Variants in GNG2 observed in about 807,000 individuals in gnomAD.
The protein encoded by GNG2 is G protein subunit gamma 2.
A neutral mutation model predicts 5.5 loss-of-function variants in GNG2; 5 were observed. That is an observed-to-expected ratio of 0.91 (90% CI 0.48 to 1.92). The LOEUF is 1.92. Ranked by LOEUF, GNG2 falls within the 30% of genes most tolerant of loss-of-function variation. GNG2 has a pLI of 0.01. For synonymous variants in GNG2, 28 were observed against 32.0 expected (o/e 0.88, Z 0.42); for missense variants, 55 against 88.4 (o/e 0.62, Z 1.52).
intron 2 of GNG2, among the ~76,000 whole-genome samples, chr14:51,887,755 T>A (rs911213399): frequency 2.6e-5 from 4 of 152,126 alleles, no homozygotes; most frequent in Non-Finnish European, 5.9e-5. Flanking sequence ...CAACCTTAAG[T>A]CTCCTAGTAT....
At chr14:51,877,572 T>C in intron 1 of GNG2, 45 bp from the exon 2 acceptor site, 2 of 454,800 alleles carry the variant, frequency 4.4e-6, no homozygotes, top group South Asian at 3.1e-5. Context: ...TATCATGTTA[T>C]TTTTCCTTTT....
intron 2 of GNG2, among the ~76,000 whole-genome samples, chr14:51,893,571 CT>C (rs1368226501): frequency 1.3e-5 from 2 of 151,962 alleles, no homozygotes; most frequent in African/African-American, 4.8e-5. Flanking sequence ...CTTTGTCATA[CT>C]TTTTCTTTTT....
At chr14:51,826,965 C>A (rs1881045431) in intron 1 of GNG2, among the ~76,000 whole-genome samples, 1 of 152,194 alleles carries the variant, frequency 6.6e-6, no homozygotes, top group African/African-American at 2.4e-5. Context: ...TAAGTTGACA[C>A]AGATCCGAGG....
At chr14:51,929,652 C>T (rs1338120768) in intron 2 of GNG2, among the ~76,000 whole-genome samples, 2 of 152,188 alleles carry the variant, frequency 1.3e-5, no homozygotes, top group Non-Finnish European at 2.9e-5. Flanking sequence ...ATCTCTCCTT[C>T]CTCCTCAGTT....
At chr14:51,827,812 G>C (rs1041384350) in intron 2 of GNG2, 1 of 684,406 alleles carries the variant, frequency 1.5e-6, no homozygotes, top group East Asian at 2.7e-5. Flanking sequence ...GCAAAGGTAG[G>C]CTTCAACAAA....
At chr14:51,868,317 G>C (rs1240261974) in intron 1 of GNG2, among the ~76,000 whole-genome samples, 1 of 152,170 alleles carries the variant, frequency 6.6e-6, no homozygotes, top group African/African-American at 2.4e-5. Context: ...AAATCACTGA[G>C]AGGGTAGTTT....
chr14:51,827,544 G>A (rs1261843332), intron 1 of GNG2: 3 of 582,372 alleles, frequency 5.2e-6, no homozygotes, highest in Non-Finnish European at 9.1e-6. Flanking sequence ...AGCTAGGAGT[G>A]GTATTTTTTG....
At chr14:51,897,561 TGAG>T (rs1341443335) in intron 2 of GNG2, among the ~76,000 whole-genome samples, 38 of 152,270 alleles carry the variant, frequency 2.5e-4, no homozygotes, top group African/African-American at 8.7e-4. Flanking sequence ...AGAGATAAGT[TGAG>T]GAGTTTGATG....
intron 2 of GNG2, among the ~76,000 whole-genome samples, chr14:51,904,003 A>AT (rs1284019602): frequency 2.6e-5 from 4 of 152,254 alleles, no homozygotes; most frequent in Non-Finnish European, 4.4e-5. Context: ...GGAATTTCTC[A>AT]AAAGGCATGC....
chr14:51,873,582 A>G (rs1002690172), intron 1 of GNG2, among the ~76,000 whole-genome samples: 2 of 152,238 alleles, frequency 1.3e-5, no homozygotes, highest in African/African-American at 4.8e-5. Context: ...ATTGTGGTTC[A>G]CAAGGGAGAA....
At chr14:51,854,499 A>T (rs981858833) in intron 2 of GNG2, among the ~76,000 whole-genome samples, 1 of 151,200 alleles carries the variant, frequency 6.6e-6, no homozygotes, top group Non-Finnish European at 1.5e-5. Flanking sequence ...TCTTTTTTAA[A>T]TTTTTTCTTT....
intron 2 of GNG2, among the ~76,000 whole-genome samples, chr14:51,880,083 T>C (rs1355773921): frequency 1.3e-5 from 2 of 152,238 alleles, no homozygotes; most frequent in Non-Finnish European, 2.9e-5. Flanking sequence ...TACTGAAGAC[T>C]TTTGGTTTTC....
rs192217593 is a variant in GNG2 at position 51,909,026 on chromosome 14, C to T, written c.-30+31369C>T. 3.1e-3 allele frequency among the ~76,000 whole-genome samples: 479 copies of T among 152,168 alleles called. 4 individuals carry two copies. Among genetic ancestry groups the T allele is most frequent in the Non-Finnish European group, 5.2e-3 (354 of 68,000 alleles). On this transcript the variant is annotated intron_variant, in intron 2 of 3. Coordinates refer to ENST00000556766, the MANE Select transcript of GNG2 (RefSeq NM_053064.5). ...CTTCTTATATAACCATAGTTATTAA[C>T]AGATATTTACCTATCATTATAAAAT...
At chr14:51,952,077 A>G (rs974336949) in intron 3 of GNG2, 1 of 600,470 alleles carries the variant, frequency 1.7e-6, no homozygotes, top group East Asian at 2.8e-5. Context: ...ATGTATAGCC[A>G]AGGTTGAGAA....
intron 2 of GNG2, among the ~76,000 whole-genome samples, chr14:51,887,304 T>C (rs1884530107): frequency 6.6e-6 from 1 of 152,218 alleles, no homozygotes; most frequent in African/African-American, 2.4e-5. Flanking sequence ...ATGACTATTA[T>C]CCCAAAGAAA....
chr14:51,834,812 T>C (rs73287159), intron 2 of GNG2, among the ~76,000 whole-genome samples: 6,070 of 152,302 alleles, frequency 0.04, 230 homozygotes, highest in African/African-American at 0.098. Flanking sequence ...ATTCTGGAAA[T>C]AGATTTTCTT....
At chr14:51,889,480 C>T (rs1345056780) in intron 2 of GNG2, among the ~76,000 whole-genome samples, 2 of 152,056 alleles carry the variant, frequency 1.3e-5, no homozygotes, top group East Asian at 3.8e-4. Flanking sequence ...TAATCTGTGA[C>T]TATACTAAAA....
chr14:51,920,855 T>C (rs980871915), intron 2 of GNG2, among the ~76,000 whole-genome samples: 1 of 152,184 alleles, frequency 6.6e-6, no homozygotes, highest in African/African-American at 2.4e-5. Flanking sequence ...GTTGGGGCCA[T>C]GGAAACATGG....
chr14:51,916,912 G>T (rs1466208941), intron 2 of GNG2, among the ~76,000 whole-genome samples: 1 of 152,200 alleles, frequency 6.6e-6, no homozygotes, highest in African/African-American at 2.4e-5. Context: ...TTATCTGGGT[G>T]ATCAGGTGTT....
Sources: gnomAD v4.1 joint callset for allele counts (sites outside exome capture counted in the v4.1 genomes callset) on GRCh38, gnomAD v4.1.1 for gene constraint, MANE v1.5 for transcripts, NCBI Gene and HGNC (gene_info 2026-07-23, HGNC 2026-07-21) for gene names.